Variants in COPZ2 observed in about 807,000 individuals in gnomAD.
The protein encoded by COPZ2 is coat protein complex I subunit zeta 2.
Under a neutral mutation model 33.2 loss-of-function variants are expected in COPZ2, and 30 were observed. That is an observed-to-expected ratio of 0.90 (90% confidence interval 0.68 to 1.23). The LOEUF (loss-of-function observed/expected upper bound fraction) is 1.23. Among genes scored for constraint, COPZ2 ranks in the 50% most tolerant of loss-of-function variants. COPZ2 has a pLI of 0.00. For missense variants in COPZ2, 263 were observed against 262.4 expected, an observed-to-expected ratio of 1.00 and a Z score of -0.02; for synonymous variants, 89 against 102.6, an observed-to-expected ratio of 0.87 and a Z score of 0.80.
At chr17:48,034,119 T>C (rs2036942697) in intron 2 of COPZ2, among the ~76,000 whole-genome samples, 175 bp from the exon 3 acceptor site, 1 of 152,134 alleles carries the variant, frequency 6.6e-6, no homozygotes, top group South Asian at 2.1e-4. Flanking sequence ...AACAAATTAT[T>C]CTTTTTTAGA....
Position 48,037,744 on chromosome 17 carries a change from G to A in COPZ2, c.34C>T (p.Pro12Ser). The change falls in exon 1 of 9, where the codon CCG (proline) becomes TCG (serine). Residue 12 changes from proline (P) to serine (S), a missense_variant. Pro to Ser is a moderately conservative substitution (Grantham distance 74). Coordinates refer to ENST00000621465, the MANE Select transcript of COPZ2 (RefSeq NM_016429.4). This position sits in a 1 kb window ranked among gnomAD's most constrained non-coding sequence, Gnocchi z 5.6. ...QRPEAWPRPHPGEGAAAAQAG... is the reference protein window; with the variant it reads ...QRPEAWPRPHSGEGAAAAQAG... ...TGGGCCGCCGCGGCCCCCTCCCCCGGGTGCGGACGTGGCCAGGCCTCGGGC... is the reference window on the plus strand; with the variant it reads ...TGGGCCGCCGCGGCCCCCTCCCCCGAGTGCGGACGTGGCCAGGCCTCGGGC... 1.9e-6 allele frequency: 2 copies of A among 1,054,148 alleles called. No individual in the cohort carries two copies. The highest frequency in any genetic ancestry group is 2.3e-6 in the Non-Finnish European group (2 of 877,600). 65.3% of individuals were successfully genotyped at this position (1,054,148 alleles called of 1,614,324 possible).
chr17:48,043,859 T>C, the COPZ2 span, among the ~76,000 whole-genome samples: 1 of 152,168 alleles, frequency 6.6e-6, no homozygotes, highest in African/African-American at 2.4e-5. Context: ...TAATGGCAGC[T>C]CCTTGAGTGT....
In COPZ2 at chr17:48,032,681, C is replaced by A; in HGVS notation, c.416+5G>T. 1 of 1,585,208 alleles carries A rather than the reference C, an allele frequency of 6.3e-7. No individual in the cohort carries two copies. The highest frequency in any genetic ancestry group is 8.6e-7 in the Non-Finnish European group (1 of 1,165,488). Reference sequence around the variant, plus strand: ...GGGCCTCGGAGGGCAGAGAACCTCACTCACCTTAACATGTGGTTCAGAGAC... The same window carrying A: ...GGGCCTCGGAGGGCAGAGAACCTCAATCACCTTAACATGTGGTTCAGAGAC... On this transcript the variant is annotated splice_donor_5th_base_variant and intron_variant, in intron 5 of 8. Coordinates refer to ENST00000621465, the MANE Select transcript of COPZ2 (RefSeq NM_016429.4).
upstream of COPZ2, among the ~76,000 whole-genome samples, chr17:48,041,544 T>C (rs2037062440): frequency 6.6e-6 from 1 of 152,182 alleles, no homozygotes; most frequent in Admixed American, 6.5e-5. Context: ...TGCAGACATC[T>C]GAGGAAGCAT....
rs1177431677 is a variant in COPZ2, at chr17:48,032,156, C to T, written c.494G>A (p.Gly165Asp). ...GTGTCCCTGACTGTCCCCTCCTCACCCGCCATCCACAATCTCGTCCAGCAC... is the reference window on the plus strand; with the variant it reads ...GTGTCCCTGACTGTCCCCTCCTCACTCGCCATCCACAATCTCGTCCAGCAC... ...FLVLDEIVDG[G>D]VILESDPQQV... Residue 165 changes from glycine (G) to aspartate (D), a missense_variant and splice_region_variant, in exon 6 of 9, where the codon GGT becomes GAT. Gly to Asp is a moderately conservative substitution (Grantham distance 94). Transcript: ENST00000621465. The T allele has an allele frequency of 3.6e-5, 58 of 1,612,402 alleles. No homozygotes were observed. Among genetic ancestry groups the T allele is most frequent in the Non-Finnish European group, 4.8e-5 (57 of 1,179,216 alleles).
the COPZ2 span, among the ~76,000 whole-genome samples, chr17:48,044,079 G>T: frequency 6.6e-6 from 1 of 152,234 alleles, no homozygotes; most frequent in East Asian, 1.9e-4. Context: ...GGGTGCAGTG[G>T]CTCACGCCTG....
chr17:48,030,348 A>AT (rs2036878131), intron 6 of COPZ2, among the ~76,000 whole-genome samples: 1 of 151,830 alleles, frequency 6.6e-6, no homozygotes, highest in Admixed American at 6.6e-5. Flanking sequence ...AAACAAAAAA[A>AT]TTCCCTTTTG....
chr17:48,037,275 A>G lies in COPZ2; in HGVS notation c.112-350T>C. On this transcript the variant is annotated intron_variant, in intron 1 of 8. Transcript: ENST00000621465. The surrounding 1 kb of genome is among the most constrained non-coding windows in gnomAD (Gnocchi z 5.6). ...GGGCCGAGCCTCCTTCTTCCAGCTG[A>G]TCCCTGGCCGGGCTGGACCTGCGCT... 1.8e-6 allele frequency: 1 copy of G among 543,206 alleles called. No homozygotes were observed. 33.6% of individuals were successfully genotyped at this position (543,206 alleles called of 1,614,324 possible).
At chr17:48,034,614 TAAAC>T (rs1361260893) in intron 2 of COPZ2, among the ~76,000 whole-genome samples, 1 of 152,024 alleles carries the variant, frequency 6.6e-6, no homozygotes, top group Non-Finnish European at 1.5e-5. Context: ...GAGTCCTTCT[TAAAC>T]AATAATAATG....
rs1462095467 is a variant in COPZ2, at chr17:48,026,256, C to T, written c.*172G>A. 1 of 600,244 alleles carries T rather than the reference C, an allele frequency of 1.7e-6. No homozygotes were observed. Among genetic ancestry groups the T allele is most frequent in the Non-Finnish European group, 3.0e-6 (1 of 337,750 alleles). The allele number at this position is 600,244 out of a possible 1,614,324, so 37.2% of individuals were successfully genotyped here. A position where few individuals can be genotyped will look rare whatever the true frequency, so the allele number is the denominator to read the frequency against. ...AGGCCAGGGCCGTGAGAAAAGGTGA[C>T]TCTCCTGAGGCCAAACCTTTGCATC... On this transcript the variant is annotated 3_prime_UTR_variant, in exon 9 of 9. Coordinates refer to ENST00000621465, the MANE Select transcript of COPZ2 (RefSeq NM_016429.4).
At chr17:48,044,922 T>G in the COPZ2 span, among the ~76,000 whole-genome samples, 1 of 152,140 alleles carries the variant, frequency 6.6e-6, no homozygotes, top group Non-Finnish European at 1.5e-5. Context: ...TAAGAAATAC[T>G]TATATGGATT....
intron 6 of COPZ2, 37 bp downstream of exon 6, chr17:48,032,119 C>G: frequency 6.4e-7 from 1 of 1,569,960 alleles, no homozygotes; most frequent in Admixed American, 1.7e-5. Context: ...ATCAAAGGCA[C>G]TCCTGCTGTG....
the COPZ2 span, among the ~76,000 whole-genome samples, chr17:48,044,192 C>T: frequency 6.6e-6 from 1 of 152,044 alleles, no homozygotes; most frequent in Admixed American, 6.6e-5. Context: ...ACTAAAAATA[C>T]AAAAATTAGC....
At chr17:48,045,305 A>C in the COPZ2 span, 1 of 152,212 alleles carries the variant, frequency 6.6e-6, no homozygotes, top group Non-Finnish European at 1.5e-5. Flanking sequence ...AGAATGGCAG[A>C]AAGCCTGGGT....
In COPZ2 at chr17:48,034,045, C is replaced by T. The variant is rs2036941518; in HGVS notation, c.187-101G>A. The T allele has an allele frequency of 1.1e-5, 8 of 758,478 alleles. No individual in the cohort carries two copies. In the East Asian group the frequency reaches 2.2e-4, roughly 21 times the overall value. The allele number at this position is 758,478 out of a possible 1,614,324, so 47.0% of individuals were successfully genotyped here. ...GAGTAGGCGCTGGGCAAGCGGGATC[C>T]TGCTTCCCTGCCCCATCTCTCCATT... On this transcript the variant is annotated intron_variant, in intron 2 of 8. Coordinates refer to ENST00000621465, the MANE Select transcript of COPZ2 (RefSeq NM_016429.4).
At chr17:48,030,115 C>T (rs1476111663) in intron 6 of COPZ2, among the ~76,000 whole-genome samples, 1 of 151,872 alleles carries the variant, frequency 6.6e-6, no homozygotes, top group African/African-American at 2.4e-5. Flanking sequence ...GAAACCCCGT[C>T]TTTACTGAAA....
intron 6 of COPZ2, among the ~76,000 whole-genome samples, chr17:48,030,019 C>T (rs186004166): frequency 1.3e-5 from 2 of 151,486 alleles, no homozygotes; most frequent in Admixed American, 1.3e-4. Flanking sequence ...GGCACAGTGG[C>T]TCACGCCTGC....
intron 1 of COPZ2, 32 bp from the exon 2 acceptor site, chr17:48,036,957 CCT>C: frequency 6.3e-7 from 1 of 1,593,510 alleles, no homozygotes; most frequent in Non-Finnish European, 8.6e-7. Context: ...CCGTTTGGCC[CCT>C]GACTCGAGGT....
In COPZ2 at chr17:48,028,370, G is replaced by T; in HGVS notation, c.585+102C>A. 8.2e-7 allele frequency: 1 copy of T among 1,215,186 alleles called. No homozygotes were observed. The highest frequency in any genetic ancestry group is 1.1e-6 in the Non-Finnish European group (1 of 877,874). 75.3% of individuals were successfully genotyped at this position (1,215,186 alleles called of 1,614,324 possible). ...TTCCCTTCTCACCCCTGATTTTTCA[G>T]ACTTGATAACTTCACTGGGTCCCCC... On this transcript the variant is annotated intron_variant, in intron 8 of 8. Transcript: ENST00000621465. The surrounding 1 kb of genome is among the most constrained non-coding windows in gnomAD (Gnocchi z 4.5).
Sources: gnomAD v4.1 joint callset for allele counts (sites outside exome capture counted in the v4.1 genomes callset) on GRCh38, gnomAD v4.1.1 for gene constraint, Gnocchi (gnomAD v3.1) non-coding constraint, MANE v1.5 for transcripts, NCBI Gene and HGNC (gene_info 2026-07-23, HGNC 2026-07-21) for gene names.